The following ROR1 variants were observed in gnomAD, a reference collection of about 807,000 sequenced individuals.
The protein encoded by ROR1 is ROR family WNT receptor 1.
ROR1 carries 19 observed loss-of-function variants against 78.8 expected under a neutral mutation model. The observed-to-expected ratio is 0.24, with a 90% CI of 0.17 to 0.35. The LOEUF (loss-of-function observed/expected upper bound fraction) is 0.35. Ranked by LOEUF, ROR1 falls within the 10% of genes least tolerant of loss-of-function variation. ROR1 has a pLI of 1.00. For synonymous variants in ROR1, 386 were observed against 433.6 expected, an observed-to-expected ratio of 0.89 and a Z score of 1.36; for missense variants, 917 against 1,177.8, an observed-to-expected ratio of 0.78 and a Z score of 3.24.
At chr1:63,857,693 T>C (rs1031430405) in intron 1 of ROR1, among the ~76,000 whole-genome samples, 6 of 152,238 alleles carry the variant, frequency 3.9e-5, no homozygotes, top group African/African-American at 1.4e-4. Flanking sequence ...AGTGGATATG[T>C]GCCACTAGAG....
intron 2 of ROR1, among the ~76,000 whole-genome samples, chr1:64,038,059 A>T (rs542314833): frequency 1.3e-5 from 2 of 152,118 alleles, no homozygotes; most frequent in East Asian, 3.9e-4. Context: ...GATTATTTTC[A>T]TATGTTTCTT....
At chr1:63,983,865 A>T (rs1034510032) in intron 1 of ROR1, among the ~76,000 whole-genome samples, 1 of 152,204 alleles carries the variant, frequency 6.6e-6, no homozygotes, top group Non-Finnish European at 1.5e-5. Context: ...TTCCTTATCT[A>T]CTAAATAATG....
intron 1 of ROR1, among the ~76,000 whole-genome samples, chr1:63,924,208 T>C (rs1645680402): frequency 6.6e-6 from 1 of 152,120 alleles, no homozygotes; most frequent in Non-Finnish European, 1.5e-5. Flanking sequence ...TTTAATTTTC[T>C]TCATGTACTC....
intron 1 of ROR1, among the ~76,000 whole-genome samples, chr1:63,896,936 T>C (rs1368345743): frequency 6.6e-6 from 1 of 152,226 alleles, no homozygotes; most frequent in African/African-American, 2.4e-5. Context: ...TTGAGGTTAA[T>C]AATAACTACC....
intron 1 of ROR1, among the ~76,000 whole-genome samples, chr1:63,888,538 A>G (rs757768423): frequency 4.6e-5 from 7 of 152,048 alleles, no homozygotes; most frequent in Non-Finnish European, 1.0e-4. Context: ...CAGGAGGATC[A>G]GTTGAGCTCA....
At chr1:63,786,314 C>A (rs1483973539) in intron 1 of ROR1, among the ~76,000 whole-genome samples, 1 of 135,810 alleles carries the variant, frequency 7.4e-6, no homozygotes, top group Non-Finnish European at 1.5e-5. Context: ...GCTCTGTCGC[C>A]CAGGCTGGAG....
chr1:64,039,379 C>A (rs1030889337), intron 2 of ROR1, among the ~76,000 whole-genome samples: 1 of 152,050 alleles, frequency 6.6e-6, no homozygotes, highest in African/African-American at 2.4e-5. Flanking sequence ...TTATGGATCC[C>A]CAGAGGAATA....
Position 64,009,345 on chromosome 1 carries a change from A to T in ROR1, c.132A>T (p.Ser44=). Residue 44 remains serine (S), a synonymous_variant, in exon 2 of 9, where the codon TCA becomes TCT. Coordinates refer to ENST00000371079, the MANE Select transcript of ROR1 (RefSeq NM_005012.4). ...LSVSAELVPT[S]SWNISSELNK... ...TCAGTGCTGAATTAGTGCCTACCTC[A>T]TCATGGAACATCTCAAGTGAACTCA... is the stretch of plus-strand genomic sequence containing the variant. The T allele has an allele frequency of 1.2e-6, 2 of 1,613,850 alleles. No individual in the cohort carries two copies. Among genetic ancestry groups the T allele is most frequent in the South Asian group, 2.2e-5 (2 of 91,070 alleles).
chr1:63,832,807 G>T (rs571640049), intron 1 of ROR1, among the ~76,000 whole-genome samples: 5 of 152,256 alleles, frequency 3.3e-5, no homozygotes, highest in African/African-American at 1.2e-4. Flanking sequence ...TCAGAAGACG[G>T]CACTCAGCTA....
intron 1 of ROR1, among the ~76,000 whole-genome samples, chr1:63,803,155 G>A (rs1055984046): frequency 1.3e-5 from 2 of 152,078 alleles, no homozygotes; most frequent in African/African-American, 4.8e-5. Flanking sequence ...AACAAATGCA[G>A]GCATGTGAAC....
intron 1 of ROR1, among the ~76,000 whole-genome samples, chr1:63,858,990 T>C (rs1017078127): frequency 3.9e-5 from 6 of 152,218 alleles, no homozygotes; most frequent in Admixed American, 2.0e-4. Flanking sequence ...AATAAGAAAT[T>C]AGCCTGTGTG....
intron 1 of ROR1, among the ~76,000 whole-genome samples, chr1:63,967,845 T>G (rs1284302008): frequency 6.6e-6 from 1 of 152,180 alleles, no homozygotes; most frequent in Non-Finnish European, 1.5e-5. Context: ...CCTTGGGGCA[T>G]TTGGGTTTCT....
chr1:63,957,067 G>C (rs1421516695), intron 1 of ROR1, among the ~76,000 whole-genome samples: 1 of 152,214 alleles, frequency 6.6e-6, no homozygotes, highest in Non-Finnish European at 1.5e-5. Flanking sequence ...GGCGTCTTGG[G>C]CTGGTGTCTG....
chr1:63,958,974 A>C (rs1361321535), intron 1 of ROR1, among the ~76,000 whole-genome samples: 4 of 152,176 alleles, frequency 2.6e-5, no homozygotes, highest in African/African-American at 4.8e-5. Flanking sequence ...GTTAGTAAAG[A>C]ATAAGGGAAG....
intron 1 of ROR1, among the ~76,000 whole-genome samples, chr1:63,989,826 G>A (rs285357): frequency 0.66 from 100,944 of 152,032 alleles, 38,082 homozygotes; most frequent in East Asian, 0.94. Flanking sequence ...CTGCCAAACT[G>A]TGATGTCCAC....
intron 1 of ROR1, among the ~76,000 whole-genome samples, chr1:63,941,274 G>GA (rs1484225670): frequency 6.6e-6 from 1 of 151,984 alleles, no homozygotes; most frequent in Non-Finnish European, 1.5e-5. Context: ...AAATATTAAG[G>GA]GGCAAAGGGA....
intron 1 of ROR1, among the ~76,000 whole-genome samples, chr1:63,902,431 C>T (rs1228157085): frequency 6.6e-6 from 1 of 151,780 alleles, no homozygotes; most frequent in Non-Finnish European, 1.5e-5. Context: ...GATCCTCTCA[C>T]CTCAGCCTCC....
chr1:63,921,586 C>T (rs965241862), intron 1 of ROR1, among the ~76,000 whole-genome samples: 1 of 147,564 alleles, frequency 6.8e-6, no homozygotes, highest in Non-Finnish European at 1.5e-5. Flanking sequence ...CCCAATGGCA[C>T]GGTTTACAAT....
intron 4 of ROR1, among the ~76,000 whole-genome samples, chr1:64,102,825 C>A (rs1269907814): frequency 6.6e-6 from 1 of 152,174 alleles, no homozygotes; most frequent in Non-Finnish European, 1.5e-5. Context: ...GTAGGGGCTG[C>A]CCTGTGTATT....
Sources: gnomAD v4.1 joint callset for allele counts (sites outside exome capture counted in the v4.1 genomes callset) on GRCh38, gnomAD v4.1.1 for gene constraint, MANE v1.5 for transcripts, NCBI Gene and HGNC (gene_info 2026-07-23, HGNC 2026-07-21) for gene names.